Variants in SHE observed in about 807,000 individuals in gnomAD.
The protein encoded by SHE is SH2 domain-containing adapter protein E.
SHE carries 11 observed loss-of-function variants against 49.8 expected under a neutral mutation model. The ratio of observed to expected loss-of-function variants is 0.22; its 90% CI spans 0.14 to 0.37. SHE has a LOEUF of 0.37. Among genes scored for constraint, SHE ranks in the 10% least tolerant of loss-of-function variants. The pLI is 1.00. For synonymous variants in SHE, 310 were observed against 278.1 expected (o/e 1.11, Z -1.14); for missense variants, 624 against 655.5 (o/e 0.95, Z 0.52).
downstream of SHE, among the ~76,000 whole-genome samples, chr1:154,477,869 C>T (rs147934780): frequency 1.8e-3 from 241 of 130,510 alleles, 5 homozygotes; most frequent in East Asian, 0.047. Context: ...CCAGCCTGGG[C>T]GACAGAGCAA....
At chr1:154,499,517 G>C (rs1692643381) in intron 1 of SHE, among the ~76,000 whole-genome samples, 1 of 152,064 alleles carries the variant, frequency 6.6e-6, no homozygotes, top group South Asian at 2.1e-4. Context: ...ACATTTTCTG[G>C]GTTAGAGGGT....
chr1:154,481,477 C>T lies in SHE; in HGVS notation c.*2672G>A. The T allele has an allele frequency of 1.0e-6, 1 of 985,346 alleles. No individual in the cohort carries two copies. Among genetic ancestry groups the T allele is most frequent in the African/African-American group, 1.7e-5 (1 of 57,314 alleles). The allele number at this position is 985,346 out of a possible 1,614,324, so 61.0% of individuals were successfully genotyped here. The stretch of plus-strand genomic sequence containing the variant: ...CATAATACTGGGCATATGACAGAAG[C>T]TCAATAAATACTTAATGTATCTGGC... On this transcript the variant is annotated 3_prime_UTR_variant, in exon 6 of 6. Coordinates refer to ENST00000304760, the MANE Select transcript of SHE (RefSeq NM_001010846.3).
At chr1:154,486,140 G>T in intron 4 of SHE, 78 bp from the exon 5 acceptor site, 3 of 1,566,676 alleles carry the variant, frequency 1.9e-6, no homozygotes, top group South Asian at 1.1e-5. Flanking sequence ...GCTCCATAAA[G>T]CGTTGTTTGA....
downstream of SHE, among the ~76,000 whole-genome samples, chr1:154,475,312 G>C (rs2149286946): frequency 6.6e-6 from 1 of 152,286 alleles, no homozygotes; most frequent in South Asian, 2.1e-4. Flanking sequence ...TCAGCCTCCT[G>C]AGTAGCTGGG....
chr1:154,480,393 G>C lies in SHE; in HGVS notation c.*3756C>G. The C allele has an allele frequency of 1.0e-6, 1 of 985,384 alleles. No individual in the cohort carries two copies. Among genetic ancestry groups the C allele is most frequent in the Non-Finnish European group, 1.2e-6 (1 of 829,932 alleles). 61.0% of individuals were successfully genotyped at this position (985,384 alleles called of 1,614,324 possible). A position where few individuals can be genotyped will look rare whatever the true frequency, so the allele number is the denominator to read the frequency against. On this transcript the variant is annotated 3_prime_UTR_variant, in exon 6 of 6. Coordinates refer to ENST00000304760, the MANE Select transcript of SHE (RefSeq NM_001010846.3). ...AACAGAAACTAACCCCACTTAACCC[G>C]CAACTGAAGAATGCCTCACAGTTAT...
intron 2 of SHE, among the ~76,000 whole-genome samples, chr1:154,497,671 G>T (rs73018298): frequency 0.06 from 9,064 of 151,946 alleles, 926 homozygotes; most frequent in African/African-American, 0.21. Flanking sequence ...ACACAGCAAT[G>T]ATTTTTTTTT....
rs1691989416 is a variant in SHE, at chr1:154,480,464, A to G, written c.*3685T>C. On this transcript the variant is annotated 3_prime_UTR_variant, in exon 6 of 6. Transcript: ENST00000304760. ...ATCCAGTAACAACAGCCAATAACAG[A>G]CTAGTAACAGAGTTACATAATCCAA... The G allele has an allele frequency of 1.0e-6, 1 of 985,336 alleles. No individual in the cohort carries two copies. The highest frequency in any genetic ancestry group is 1.7e-5 in the African/African-American group (1 of 57,226). 61.0% of individuals were successfully genotyped at this position (985,336 alleles called of 1,614,324 possible).
Position 154,489,145 on chromosome 1 carries a change from T to G in SHE, c.930A>C (p.Pro310=), listed in dbSNP as rs764789848. ...CGTCGTTCTCGGGCAGCCGGCTGTC[T>G]GGGGGCCGCGCCTTCCCCTCTGCCC... is the stretch of plus-strand genomic sequence containing the variant. ...GPRAEGKARP[P]DSRLPENDER... The change falls in exon 3 of 6, where the codon CCA becomes CCC. Residue 310 remains proline, a synonymous_variant. Coordinates refer to ENST00000304760, the MANE Select transcript of SHE (RefSeq NM_001010846.3). 1.9e-6 allele frequency: 3 copies of G among 1,613,918 alleles called. No individual in the cohort carries two copies. The highest frequency in any genetic ancestry group is 1.7e-6 in the Non-Finnish European group (2 of 1,179,968).
chr1:154,477,999 T>C (rs1413541111), downstream of SHE, among the ~76,000 whole-genome samples: 1 of 152,138 alleles, frequency 6.6e-6, no homozygotes, highest in Non-Finnish European at 1.5e-5. Flanking sequence ...CTACTTTCTA[T>C]GAATTTGACT....
rs1242633940 is a variant in SHE at position 154,501,497 on chromosome 1, G to C, written c.530C>G (p.Ser177Cys). ...SSSSSSSSAS[S>C]SPSSLGPELD... is the part of the protein sequence containing the mutation. Reference sequence around the variant, plus strand: ...CTCGGGCCCCAGGGAGGAAGGGGAAGAGGACGCGGAGGAAGAGGAGCTGGA... The same window carrying C: ...CTCGGGCCCCAGGGAGGAAGGGGAACAGGACGCGGAGGAAGAGGAGCTGGA... The change falls in exon 1 of 6, where the codon TCT (serine) becomes TGT (cysteine). Residue 177 changes from serine (S) to cysteine (C), a missense_variant. By Grantham distance (112) the Ser-to-Cys change is moderately radical (BLOSUM62 -1). This residue lies in a region of SHE where 337 missense variants were observed against 306.0 expected (regional missense o/e 1.10). Coordinates refer to ENST00000304760, the MANE Select transcript of SHE (RefSeq NM_001010846.3). 2 of 1,614,082 alleles carry C rather than the reference G, an allele frequency of 1.2e-6. No individual in the cohort carries two copies. The highest frequency in any genetic ancestry group is 1.7e-6 in the Non-Finnish European group (2 of 1,180,040).
At chr1:154,498,778 T>C (rs1692615622) in intron 2 of SHE, among the ~76,000 whole-genome samples, 1 of 152,216 alleles carries the variant, frequency 6.6e-6, no homozygotes, top group African/African-American at 2.4e-5. Flanking sequence ...TTATGAATGT[T>C]AAAGCTTCTG....
chr1:154,487,856 C>CAA (rs543109429), intron 3 of SHE, among the ~76,000 whole-genome samples: 17,340 of 123,968 alleles, frequency 0.14, 1,267 homozygotes, highest in South Asian at 0.2. Context: ...TCTCAAAAAA[C>CAA]AAAAAAAAAA....
At chr1:154,477,890 CA>C (rs35912019), downstream of SHE, among the ~76,000 whole-genome samples, 47,057 of 103,954 alleles carry the variant, frequency 0.45, 8,336 homozygotes, top group East Asian at 0.61. Context: ...GACACTGTCT[CA>C]AAAAAAAAAA....
At position 154,481,175 on chromosome 1, in the gene SHE, C is replaced by T. The variant is rs1208417488; in HGVS notation, c.*2974G>A. 1 of 985,408 alleles carries T rather than the reference C, an allele frequency of 1.0e-6. No individual in the cohort carries two copies. Among genetic ancestry groups the T allele is most frequent in the Non-Finnish European group, 1.2e-6 (1 of 829,922 alleles). 61.0% of individuals were successfully genotyped at this position (985,408 alleles called of 1,614,324 possible). On this transcript the variant is annotated 3_prime_UTR_variant, in exon 6 of 6. Coordinates refer to ENST00000304760, the MANE Select transcript of SHE (RefSeq NM_001010846.3). ...TTTAACAAGGAAGCCATTAGGGACA[C>T]CCTGCTGGGCCTAATTGTTTTTAGA...
chr1:154,499,358 T>C, intron 1 of SHE, 120 bp from the exon 2 acceptor site: 1 of 1,137,060 alleles, frequency 8.8e-7, no homozygotes, highest in South Asian at 1.8e-5. Context: ...CTATAACCAG[T>C]TCCAGATAGC....
intron 2 of SHE, among the ~76,000 whole-genome samples, chr1:154,490,771 A>C: frequency 6.6e-6 from 1 of 152,144 alleles, no homozygotes; most frequent in East Asian, 1.9e-4. Context: ...ATGGTTGTGT[A>C]TGTAAAACAA....
intron 4 of SHE, among the ~76,000 whole-genome samples, 162 bp downstream of exon 4, chr1:154,486,365 C>T (rs1692182655): frequency 6.6e-6 from 1 of 152,204 alleles, no homozygotes; most frequent in Admixed American, 6.5e-5. Context: ...TTCCATTTTG[C>T]ACAATGCACT....
chr1:154,475,645 A>C (rs1691862067), downstream of SHE, among the ~76,000 whole-genome samples: 1 of 152,160 alleles, frequency 6.6e-6, no homozygotes, highest in African/African-American at 2.4e-5. Flanking sequence ...GGAATAGTCC[A>C]ATCATATTAT....
exon 2 of SHE, chr1:154,470,121 C>T (rs1220730707): frequency 1.1e-5 from 4 of 363,316 alleles, no homozygotes; most frequent in South Asian, 4.2e-5. Context: ...TGATGGTGGC[C>T]GCCATCTCCT....
Sources: allele counts gnomAD v4.1 joint callset (sites outside exome capture counted in the v4.1 genomes callset), GRCh38; gene constraint gnomAD v4.1.1; regional missense constraint gnomAD v4.1.1; transcripts MANE v1.5; gene names NCBI Gene and HGNC (gene_info 2026-07-23, HGNC 2026-07-21).